KLRC4: variants seen among roughly 807,000 people sequenced by gnomAD.
KLRC4 encodes NKG2-F type II integral membrane protein.
In KLRC4, 6 loss-of-function variants were observed where a neutral mutation model predicts 14.3. The ratio of observed to expected loss-of-function variants is 0.42; its 90% CI spans 0.23 to 0.83. KLRC4 has a LOEUF of 0.83. Among genes scored for constraint, KLRC4 ranks in the 40% least tolerant of loss-of-function variants. The pLI, the probability that KLRC4 is intolerant of heterozygous loss-of-function variation, is 0.29. For missense variants in KLRC4, 158 were observed against 179.4 expected, an observed-to-expected ratio of 0.88 and a Z score of 0.68; for synonymous variants, 53 against 60.5, an observed-to-expected ratio of 0.88 and a Z score of 0.57.
At position 10,409,389 on chromosome 12, in the gene KLRC4, C is replaced by G; in HGVS notation, c.187G>C (p.Gly63Arg). The G allele has an allele frequency of 6.2e-7, 1 of 1,606,038 alleles. No individual in the cohort carries two copies. Among genetic ancestry groups the G allele is most frequent in the Non-Finnish European group, 8.5e-7 (1 of 1,172,638 alleles). ...ATTGAAGATCTATTTAATGTTTTACCTTTGCAGTGATATGTCTTGTCATTC... is the reference window on the plus strand; with the variant it reads ...ATTGAAGATCTATTTAATGTTTTACGTTTGCAGTGATATGTCTTGTCATTC... ...QGNDKTYHCKGLLPPPEKLTA... is the reference protein window; with the variant it reads ...QGNDKTYHCKRLLPPPEKLTA... Residue 63 changes from glycine (G) to arginine (R), a missense_variant and splice_region_variant, in exon 1 of 4, where the codon GGT becomes CGT. Transcript: ENST00000309384.
At chr12:10,409,093 A>G in intron 1 of KLRC4, 83 bp from the exon 2 acceptor site, 3 of 1,432,978 alleles carry the variant, frequency 2.1e-6, no homozygotes, top group Non-Finnish European at 2.0e-6. Context: ...TCACGTGCAC[A>G]GGAAAACATA....
At chr12:10,408,858 C>T (rs1041089395) in intron 2 of KLRC4, 54 bp downstream of exon 2, 12 of 1,606,590 alleles carry the variant, frequency 7.5e-6, no homozygotes, top group East Asian at 4.5e-5. Flanking sequence ...TTTCAAGGCG[C>T]TTCCAATCAT....
rs1863554975 is a variant in KLRC4 at position 10,409,670 on chromosome 12, G to A, written c.-95C>T. The A allele has an allele frequency of 3.1e-5, 45 of 1,459,656 alleles. No individual in the cohort carries two copies. The highest frequency in any genetic ancestry group is 4.1e-5 in the Non-Finnish European group (45 of 1,090,488). The allele number at this position is 1,459,656 out of a possible 1,614,324, so 90.4% of individuals were successfully genotyped here. On this transcript the variant is annotated 5_prime_UTR_variant, in exon 1 of 4. Coordinates refer to ENST00000309384, the MANE Select transcript of KLRC4 (RefSeq NM_013431.2). The stretch of plus-strand genomic sequence containing the variant: ...TATTTTGACAGGATCCCTGGTATAG[G>A]CAAACTGCATGTGTTGGAGGCTGAG...
At chr12:10,409,189 C>T (rs1485089779) in intron 1 of KLRC4, among the ~76,000 whole-genome samples, 179 bp from the exon 2 acceptor site, 2 of 152,272 alleles carry the variant, frequency 1.3e-5, no homozygotes, top group East Asian at 3.9e-4. Context: ...AAATATAATG[C>T]TCCATGAGTT....
At chr12:10,408,615 TTG>T (rs752424523) in intron 2 of KLRC4, among the ~76,000 whole-genome samples, 24 of 152,124 alleles carry the variant, frequency 1.6e-4, no homozygotes, top group Non-Finnish European at 2.6e-4. Context: ...AAAAATTAAT[TTG>T]TTTTTCTAAA....
Position 10,408,979 on chromosome 12 carries a change from A to G in KLRC4, c.219T>C (p.Ala73=), listed in dbSNP as rs754164200. 13 of 1,613,678 alleles carry G rather than the reference A, an allele frequency of 8.1e-6. No homozygotes were observed. In the East Asian group the frequency reaches 1.1e-4, roughly 14 times the overall value. The change falls in exon 2 of 4, where the codon GCT becomes GCC. Residue 73 remains alanine, a synonymous_variant. Coordinates refer to ENST00000309384, the MANE Select transcript of KLRC4 (RefSeq NM_013431.2). The part of the protein sequence containing the change: ...GLLPPPEKLT[A]EVLGIICIVL... ...CAATGCAAATGATTCCTAGGACCTC[A>G]GCAGTGAGCTTCTCTGGAGGTGGCA...
Position 10,409,497 on chromosome 12 carries a change from T to C in KLRC4, c.79A>G (p.Asn27Asp), listed in dbSNP as rs1279990859. ...TTGGTTCCTGAAATGGAGATTTTAT[T>C]GCCCTTAAGTTTCCTTTGCTGCCTC... ...PKRQQRKLKG[N>D]KISISGTKQE... The change falls in exon 1 of 4, where the codon AAT (asparagine) becomes GAT (aspartate). Residue 27 changes from asparagine (N) to aspartate (D), a missense_variant. Coordinates refer to ENST00000309384, the MANE Select transcript of KLRC4 (RefSeq NM_013431.2). 1 of 1,613,896 alleles carries C rather than the reference T, an allele frequency of 6.2e-7. No homozygotes were observed. Among genetic ancestry groups the C allele is most frequent in the Non-Finnish European group, 8.5e-7 (1 of 1,179,856 alleles).
In KLRC4 at chr12:10,407,666, A is replaced by G. The variant is rs1409700728; in HGVS notation, c.464T>C (p.Ile155Thr). The G allele has an allele frequency of 1.2e-6, 2 of 1,613,728 alleles. No individual in the cohort carries two copies. The highest frequency in any genetic ancestry group is 2.7e-5 in the African/African-American group (2 of 75,034). The change falls in exon 4 of 4, where the codon ATC (isoleucine) becomes ACC (threonine). Residue 155 changes from isoleucine (I) to threonine (T), a missense_variant. Physicochemically the swap from Ile to Thr is moderately conservative, Grantham distance 89. Coordinates refer to ENST00000309384, the MANE Select transcript of KLRC4 (RefSeq NM_013431.2). ...CTTCCTCATTATCTATAGAAAGCAG[A>G]TCAGAGTTCTTCGAAGCACAGGCCA... ...VCWPVLRRTL[I>T]CFL is the part of the protein sequence containing the mutation.
At position 10,409,723 on chromosome 12, in the gene KLRC4, A is replaced by G; in HGVS notation, c.-148T>C. ...GTAATGTTCATTTTGCTGTTGACCA[A>G]TATAAAAGTCTGGTACTAATTTCCT... On this transcript the variant is annotated 5_prime_UTR_variant, in exon 1 of 4. Coordinates refer to ENST00000309384, the MANE Select transcript of KLRC4 (RefSeq NM_013431.2). 2 of 1,174,424 alleles carry G rather than the reference A, an allele frequency of 1.7e-6. No individual in the cohort carries two copies. Among genetic ancestry groups the G allele is most frequent in the Non-Finnish European group, 2.2e-6 (2 of 891,800 alleles). The allele number at this position is 1,174,424 out of a possible 1,614,324, so 72.8% of individuals were successfully genotyped here.
chr12:10,408,264 T>C, intron 3 of KLRC4, 65 bp downstream of exon 3: 1 of 913,546 alleles, frequency 1.1e-6, no homozygotes, highest in Admixed American at 2.1e-5. Flanking sequence ...TATTATCATT[T>C]TGCATCCCTT....
intron 3 of KLRC4, 104 bp downstream of exon 3, chr12:10,408,225 T>A (rs2617169): frequency 0.82 from 577,566 of 706,586 alleles, 236,803 homozygotes; most frequent in Admixed American, 0.88. Context: ...TTATGGCTCA[T>A]TGTTATAGTT....
Position 10,407,574 on chromosome 12 carries a change from C to T in KLRC4, c.*79G>A. ...ATATGTATAAACATATGGATGATTT[C>T]TACAAATATGATATTGACAGAAATA... is the stretch of plus-strand genomic sequence containing the variant. On this transcript the variant is annotated 3_prime_UTR_variant, in exon 4 of 4. Transcript: ENST00000309384. 6.6e-7 allele frequency: 1 copy of T among 1,506,566 alleles called. No homozygotes were observed. Among genetic ancestry groups the T allele is most frequent in the Middle Eastern group, 1.8e-4 (1 of 5,630 alleles). 93.3% of individuals were successfully genotyped at this position (1,506,566 alleles called of 1,614,324 possible).
At position 10,409,531 on chromosome 12, in the gene KLRC4, C is replaced by T; in HGVS notation, c.45G>A (p.Gln15=). 1 of 1,613,938 alleles carries T rather than the reference C, an allele frequency of 6.2e-7. No homozygotes were observed. Among genetic ancestry groups the T allele is most frequent in the Non-Finnish European group, 8.5e-7 (1 of 1,179,910 alleles). Residue 15 remains glutamine, a synonymous_variant, in exon 1 of 4, where the codon CAG becomes CAA. Transcript: ENST00000309384. ...GTTTCCTTTGCTGCCTCTTTGGGTC[C>T]TGGGCCAGACTCACTTCTGAGTAGG... The part of the protein sequence containing the change: ...RGTYSEVSLA[Q]DPKRQQRKLK...
At chr12:10,408,770 G>T (rs1234354243) in intron 2 of KLRC4, 142 bp downstream of exon 2, 1 of 1,023,246 alleles carries the variant, frequency 9.8e-7, no homozygotes, top group Non-Finnish European at 1.4e-6. Flanking sequence ...AATTTGAAAA[G>T]TTCAGAAGCA....
rs1441125194 is a variant in KLRC4, at chr12:10,409,533, G to C, written c.43C>G (p.Gln15Glu). Residue 15 changes from glutamine (Q) to glutamate (E), a missense_variant, in exon 1 of 4, where the codon CAG (glutamine) becomes GAG (glutamate). Physicochemically the swap from Gln to Glu is conservative, Grantham distance 29. Transcript: ENST00000309384. The part of the protein sequence containing the change: ...RGTYSEVSLA[Q>E]DPKRQQRKLK... ...TTCCTTTGCTGCCTCTTTGGGTCCT[G>C]GGCCAGACTCACTTCTGAGTAGGTT... 1 of 1,614,000 alleles carries C rather than the reference G, an allele frequency of 6.2e-7. No homozygotes were observed. Among genetic ancestry groups the C allele is most frequent in the Non-Finnish European group, 8.5e-7 (1 of 1,179,948 alleles).
intron 1 of KLRC4, 95 bp downstream of exon 1, chr12:10,409,294 C>A: frequency 7.7e-7 from 1 of 1,294,678 alleles, no homozygotes; most frequent in South Asian, 1.3e-5. Context: ...CTCTGATTCT[C>A]ACAAGTGCAA....
intron 3 of KLRC4, among the ~76,000 whole-genome samples, chr12:10,408,024 C>T (rs995157300): frequency 5.3e-5 from 8 of 152,118 alleles, no homozygotes; most frequent in Non-Finnish European, 1.0e-4. Context: ...ATCCACCCTA[C>T]ACATCTTAAA....
rs933429162 is a variant in KLRC4 at position 10,409,694 on chromosome 12, AG to A, written c.-120del. 1 of 1,353,908 alleles carries A rather than the reference AG, an allele frequency of 7.4e-7. No individual in the cohort carries two copies. The highest frequency in any genetic ancestry group is 1.5e-5 in the African/African-American group (1 of 67,568). The allele number at this position is 1,353,908 out of a possible 1,614,324, so 83.9% of individuals were successfully genotyped here. On this transcript the variant is annotated 5_prime_UTR_variant, in exon 1 of 4. It removes the in-frame stop codon of an upstream open reading frame in the 5' UTR. Transcript: ENST00000309384. Reference sequence around the variant, plus strand: ...GGCAAACTGCATGTGTTGGAGGCTGAGTAGTAATGTTCATTTTGCTGTTGAC... The same window carrying A: ...GGCAAACTGCATGTGTTGGAGGCTGATAGTAATGTTCATTTTGCTGTTGAC...
In KLRC4 at chr12:10,409,509, T is replaced by G; in HGVS notation, c.67A>C (p.Lys23Gln). The G allele has an allele frequency of 6.2e-7, 1 of 1,614,090 alleles. No homozygotes were observed. Among genetic ancestry groups the G allele is most frequent in the Non-Finnish European group, 8.5e-7 (1 of 1,179,938 alleles). Residue 23 changes from lysine (K) to glutamine (Q), a missense_variant, in exon 1 of 4, where the codon AAA (lysine) becomes CAA (glutamine). Physicochemically the swap from Lys to Gln is moderately conservative, Grantham distance 53. Transcript: ENST00000309384. Reference protein sequence around the residue: ...LAQDPKRQQRKLKGNKISISG... With the variant: ...LAQDPKRQQRQLKGNKISISG... ...ATGGAGATTTTATTGCCCTTAAGTT[T>G]CCTTTGCTGCCTCTTTGGGTCCTGG... is the stretch of plus-strand genomic sequence containing the variant.
Sources: allele counts gnomAD v4.1 joint callset (sites outside exome capture counted in the v4.1 genomes callset), GRCh38; gene constraint gnomAD v4.1.1; transcripts MANE v1.5; gene names NCBI Gene and HGNC (gene_info 2026-07-23, HGNC 2026-07-21).